The following CACNA1E variants were observed in gnomAD, a reference collection of about 807,000 sequenced individuals.
CACNA1E encodes calcium voltage-gated channel subunit alpha1 E.
In CACNA1E, 40 loss-of-function variants were observed where a neutral mutation model predicts 259.2. The observed-to-expected ratio is 0.15, with a 90% CI of 0.12 to 0.20. CACNA1E has a LOEUF of 0.20. CACNA1E is among the 10% of genes least tolerant of loss of function. CACNA1E has a pLI of 1.00. For synonymous variants in CACNA1E, 1,104 were observed against 1,138.5 expected, an observed-to-expected ratio of 0.97 and a Z score of 0.61; for missense variants, 1,874 against 3,040.1, an observed-to-expected ratio of 0.62 and a Z score of 9.02.
At chr1:181,715,233 C>A in intron 8 of CACNA1E, 105 bp from the exon 9 acceptor site, 1 of 702,224 alleles carries the variant, frequency 1.4e-6, no homozygotes, top group Non-Finnish European at 2.5e-6. Flanking sequence ...CTGAACTCTG[C>A]TCTCTCTCTG....
At chr1:181,477,402 G>A (rs1486922717) in intron 2 of CACNA1E, among the ~76,000 whole-genome samples, 1 of 152,152 alleles carries the variant, frequency 6.6e-6, no homozygotes, top group Non-Finnish European at 1.5e-5. Flanking sequence ...AGTTTTTAGA[G>A]GCTATGACTG....
chr1:181,353,476 T>C (rs1483808725), intron 1 of CACNA1E, among the ~76,000 whole-genome samples: 2 of 152,056 alleles, frequency 1.3e-5, no homozygotes, highest in African/African-American at 2.4e-5. Flanking sequence ...TTTAGCCAAA[T>C]GAAAGGGGAA....
intron 1 of CACNA1E, among the ~76,000 whole-genome samples, chr1:181,376,424 A>T (rs1191653745): frequency 6.6e-6 from 1 of 152,184 alleles, no homozygotes; most frequent in Admixed American, 6.5e-5. Flanking sequence ...TGTTTCCTGA[A>T]CCAGTATAGC....
At chr1:181,515,182 G>T (rs1189363699) in intron 3 of CACNA1E, among the ~76,000 whole-genome samples, 5 of 152,142 alleles carry the variant, frequency 3.3e-5, no homozygotes, top group Non-Finnish European at 5.9e-5. Flanking sequence ...GCTCAGGGAG[G>T]TATGATCAGG....
intron 16 of CACNA1E, among the ~76,000 whole-genome samples, chr1:181,723,246 C>T (rs1416880540): frequency 2.6e-5 from 4 of 152,134 alleles, no homozygotes; most frequent in African/African-American, 7.2e-5. Flanking sequence ...AATGGTGTGA[C>T]GCCCATTGGT....
chr1:181,412,277 A>G (rs1657907839), intron 1 of CACNA1E, among the ~76,000 whole-genome samples: 1 of 152,174 alleles, frequency 6.6e-6, no homozygotes, highest in African/African-American at 2.4e-5. Context: ...GTTCTCAAGA[A>G]GAGTTCTCCT....
At chr1:181,333,268 T>C (rs1450467398) in intron 1 of CACNA1E, among the ~76,000 whole-genome samples, 1 of 152,166 alleles carries the variant, frequency 6.6e-6, no homozygotes, top group African/African-American at 2.4e-5. Flanking sequence ...GCCTCAGCCT[T>C]TACTCACTTT....
intron 3 of CACNA1E, among the ~76,000 whole-genome samples, chr1:181,536,892 A>T (rs773822514): frequency 6.6e-6 from 1 of 151,784 alleles, no homozygotes; most frequent in African/African-American, 2.4e-5. Context: ...GGTCTGAGGG[A>T]TAAGGTGGGT....
intron 1 of CACNA1E, among the ~76,000 whole-genome samples, chr1:181,363,410 G>A (rs1181917852): frequency 6.6e-6 from 1 of 152,164 alleles, no homozygotes; most frequent in African/African-American, 2.4e-5. Context: ...AACTAAATTT[G>A]GATGGTGTTT....
chr1:181,525,938 C>A (rs934589965), intron 3 of CACNA1E, among the ~76,000 whole-genome samples: 6 of 152,110 alleles, frequency 3.9e-5, no homozygotes, highest in African/African-American at 1.4e-4. Context: ...AGGTTTATAG[C>A]CCTAAGGAAA....
rs1049354687 is a variant in CACNA1E, at chr1:181,771,164, G to A, written c.4882-129G>A. The A allele has an allele frequency of 6.5e-6, 4 of 616,690 alleles. No individual in the cohort carries two copies. The African/African-American group carries it at 7.3e-5, about 11-fold the overall frequency. 38.2% of individuals were successfully genotyped at this position (616,690 alleles called of 1,614,324 possible). On this transcript the variant is annotated intron_variant, in intron 35 of 47. Coordinates refer to ENST00000367573, the MANE Select transcript of CACNA1E (RefSeq NM_001205293.3). Reference sequence around the variant, plus strand: ...AGCACAGTATCCAGCAGCTCTCTGGGTCTGAGTTGTCTGCTTCAGGGGTAG... The same window carrying A: ...AGCACAGTATCCAGCAGCTCTCTGGATCTGAGTTGTCTGCTTCAGGGGTAG...
intron 3 of CACNA1E, among the ~76,000 whole-genome samples, chr1:181,574,802 G>A (rs184738023): frequency 1.2e-4 from 18 of 152,206 alleles, no homozygotes; most frequent in Admixed American, 5.2e-4. Context: ...CGAGGCAGGC[G>A]GATCATGAGG....
At chr1:181,789,613 G>C (rs937602881) in intron 43 of CACNA1E, among the ~76,000 whole-genome samples, 1 of 152,134 alleles carries the variant, frequency 6.6e-6, no homozygotes, top group Non-Finnish European at 1.5e-5. Flanking sequence ...TTACCATACT[G>C]GTGGCAGTCA....
chr1:181,775,722 C>T (rs1022013074), intron 37 of CACNA1E, among the ~76,000 whole-genome samples: 8 of 152,316 alleles, frequency 5.3e-5, no homozygotes, highest in African/African-American at 1.9e-4. Context: ...ATTCAAATTT[C>T]AGCGTCCATA....
intron 2 of CACNA1E, among the ~76,000 whole-genome samples, chr1:181,436,943 A>G (rs1474242102): frequency 1.3e-5 from 2 of 152,234 alleles, no homozygotes; most frequent in African/African-American, 4.8e-5. Context: ...CAATTTAAAT[A>G]TATATGAAAA....
At chr1:181,617,108 A>T (rs1241654302) in intron 6 of CACNA1E, among the ~76,000 whole-genome samples, 1 of 152,176 alleles carries the variant, frequency 6.6e-6, no homozygotes, top group Non-Finnish European at 1.5e-5. Context: ...CAAATTCATT[A>T]GTCTTCTCAA....
In CACNA1E at chr1:181,694,831, CT is replaced by C. The variant is rs376373042; in HGVS notation, c.1056-16119del. On this transcript the variant is annotated intron_variant, in intron 7 of 47. Coordinates refer to ENST00000367573, the MANE Select transcript of CACNA1E (RefSeq NM_001205293.3). ...ATCTGGAAATGGGCAAGGACTTTCA[CT>C]TTTACCACTTGTCTTTAATGTTGTT... Among the ~76,000 whole-genome samples the C allele has an allele frequency of 8.7e-4, 132 of 152,188 alleles. 3 individuals are homozygous for C. In the East Asian group the frequency reaches 0.02, roughly 23 times the overall value.
At chr1:181,673,538 G>T (rs993323629) in intron 7 of CACNA1E, among the ~76,000 whole-genome samples, 1 of 152,220 alleles carries the variant, frequency 6.6e-6, no homozygotes, top group African/African-American at 2.4e-5. Flanking sequence ...CCTACTATGT[G>T]CCAGGAACAG....
intron 6 of CACNA1E, among the ~76,000 whole-genome samples, chr1:181,596,927 G>A (rs1347862922): frequency 1.3e-5 from 2 of 152,060 alleles, no homozygotes; most frequent in African/African-American, 4.8e-5. Flanking sequence ...AAAAAAGGAG[G>A]AAGGAGATGC....
Sources: allele counts gnomAD v4.1 joint callset (sites outside exome capture counted in the v4.1 genomes callset), GRCh38; gene constraint gnomAD v4.1.1; transcripts MANE v1.5; gene names NCBI Gene and HGNC (gene_info 2026-07-23, HGNC 2026-07-21).